The following DAB1 variants were observed in gnomAD, a reference collection of about 807,000 sequenced individuals.
The protein encoded by DAB1 is DAB adaptor protein 1, also known as disabled homolog 1.
A neutral mutation model predicts 64.6 loss-of-function variants in DAB1; 15 were observed. The ratio of observed to expected loss-of-function variants is 0.23; its 90% CI spans 0.16 to 0.36. The LOEUF (loss-of-function observed/expected upper bound fraction) is 0.36, where lower values mean the gene tolerates loss of function less well. Ranked by LOEUF, DAB1 falls within the 10% of genes least tolerant of loss-of-function variation. The pLI is 1.00. For missense variants in DAB1, 596 were observed against 706.7 expected (o/e 0.84, Z 1.78); for synonymous variants, 235 against 251.9 (o/e 0.93, Z 0.64).
chr1:58,474,517 T>TTA (rs1398630523), intron 3 of DAB1, among the ~76,000 whole-genome samples: 2 of 152,182 alleles, frequency 1.3e-5, no homozygotes, highest in Non-Finnish European at 2.9e-5. Context: ...TGGGTACCTG[T>TTA]TAGGGTCCAA....
chr1:57,478,900 C>A (rs531449237), intron 7 of DAB1, among the ~76,000 whole-genome samples: 2 of 151,814 alleles, frequency 1.3e-5, no homozygotes, highest in Admixed American at 6.6e-5. Flanking sequence ...GCGCCCGGCC[C>A]GGTTCCCATT....
chr1:58,019,364 C>T (rs930099129), intron 5 of DAB1, among the ~76,000 whole-genome samples: 2 of 152,072 alleles, frequency 1.3e-5, no homozygotes, highest in African/African-American at 4.8e-5. Flanking sequence ...ATTGTTCTTT[C>T]GTGTTTATAG....
intron 2 of DAB1, among the ~76,000 whole-genome samples, chr1:57,146,654 A>G (rs561450243): frequency 4.6e-5 from 7 of 152,278 alleles, no homozygotes; most frequent in Middle Eastern, 3.4e-3. Flanking sequence ...CACAACTTTC[A>G]TTTCATTCAT....
At chr1:57,201,127 C>T (rs1434769171) in intron 2 of DAB1, among the ~76,000 whole-genome samples, 1 of 152,162 alleles carries the variant, frequency 6.6e-6, no homozygotes, top group Non-Finnish European at 1.5e-5. Context: ...CTTCAGGAGC[C>T]ATTGCTGCTT....
chr1:57,574,991 T>C (rs774365151), intron 7 of DAB1, among the ~76,000 whole-genome samples: 5 of 152,230 alleles, frequency 3.3e-5, no homozygotes, highest in Non-Finnish European at 7.3e-5. Flanking sequence ...TGAAATGAAC[T>C]AATTAGAGGT....
At chr1:57,033,171 T>TACACAC (rs141683665) in intron 9 of DAB1, among the ~76,000 whole-genome samples, 1,523 of 149,454 alleles carry the variant, frequency 0.01, 12 homozygotes, top group Middle Eastern at 0.021. Context: ...CACTTTTGTT[T>TACACAC]ACACACACAC....
intron 7 of DAB1, among the ~76,000 whole-genome samples, chr1:57,573,197 C>G (rs895468601): frequency 2.0e-5 from 3 of 152,146 alleles, no homozygotes; most frequent in Non-Finnish European, 2.9e-5. Context: ...AAGGGATCCT[C>G]CCGCCTCAGC....
At chr1:57,958,128 G>A (rs996891007) in intron 5 of DAB1, among the ~76,000 whole-genome samples, 3 of 151,990 alleles carry the variant, frequency 2.0e-5, no homozygotes, top group African/African-American at 7.2e-5. Context: ...GAGATTACAG[G>A]TGTCTGCCAC....
At chr1:57,335,777 C>T (rs952946479) in intron 1 of DAB1, among the ~76,000 whole-genome samples, 1 of 151,698 alleles carries the variant, frequency 6.6e-6, no homozygotes, top group Non-Finnish European at 1.5e-5. Flanking sequence ...AGCATGGGCA[C>T]CATTTTAAAA....
At chr1:57,574,922 T>C (rs905211489) in intron 7 of DAB1, among the ~76,000 whole-genome samples, 2 of 152,180 alleles carry the variant, frequency 1.3e-5, no homozygotes, top group Admixed American at 6.5e-5. Flanking sequence ...TCTTTCTGAT[T>C]CAATCTCTAT....
intron 5 of DAB1, chr1:58,048,945 C>T (rs960105942): frequency 9.3e-6 from 8 of 859,332 alleles, no homozygotes; most frequent in Non-Finnish European, 1.6e-5. Flanking sequence ...TGATGTTCTT[C>T]AGTGTCTTCT....
chr1:57,682,123 G>A (rs536275190), intron 6 of DAB1, among the ~76,000 whole-genome samples: 20 of 152,110 alleles, frequency 1.3e-4, no homozygotes, highest in Non-Finnish European at 2.4e-4. Flanking sequence ...CCACAAAGGT[G>A]TAAACATGGA....
chr1:57,663,698 C>G (rs1646413928), intron 6 of DAB1, among the ~76,000 whole-genome samples: 1 of 151,968 alleles, frequency 6.6e-6, no homozygotes, highest in Non-Finnish European at 1.5e-5. Flanking sequence ...AGATATATCT[C>G]AGGCTTAATA....
chr1:58,247,515 G>A (rs1344814271), intron 4 of DAB1, among the ~76,000 whole-genome samples: 1 of 152,144 alleles, frequency 6.6e-6, no homozygotes, highest in Non-Finnish European at 1.5e-5. Context: ...CTCCAGTCAT[G>A]GATGAATGGA....
intron 3 of DAB1, among the ~76,000 whole-genome samples, chr1:58,448,908 T>A (rs1210037953): frequency 6.6e-6 from 1 of 152,022 alleles, no homozygotes; most frequent in East Asian, 1.9e-4. Flanking sequence ...AGTTCAAAGG[T>A]GGTCCATCCA....
At chr1:57,622,130 G>T (rs919550291) in intron 7 of DAB1, among the ~76,000 whole-genome samples, 1 of 152,180 alleles carries the variant, frequency 6.6e-6, no homozygotes, top group African/African-American at 2.4e-5. Flanking sequence ...TTTTCAATCA[G>T]TTTCAGAAAT....
At chr1:58,244,106 C>G (rs1193535172) in intron 4 of DAB1, among the ~76,000 whole-genome samples, 1 of 152,186 alleles carries the variant, frequency 6.6e-6, no homozygotes, top group Non-Finnish European at 1.5e-5. Flanking sequence ...TGCCATGTGA[C>G]TCTCAGCATT....
intron 3 of DAB1, among the ~76,000 whole-genome samples, chr1:58,384,681 G>A (rs1461661276): frequency 6.6e-6 from 1 of 152,188 alleles, no homozygotes; most frequent in African/African-American, 2.4e-5. Context: ...TCAAAAGTAG[G>A]GAAGCCAACA....
chr1:57,147,103 T>C (rs1015938093), intron 2 of DAB1, among the ~76,000 whole-genome samples: 2 of 151,120 alleles, frequency 1.3e-5, no homozygotes, highest in Admixed American at 1.3e-4. Context: ...CGATCACAGC[T>C]CACTGCAGCC....
Sources: gnomAD v4.1 joint callset for allele counts (sites outside exome capture counted in the v4.1 genomes callset) on GRCh38, gnomAD v4.1.1 for gene constraint, MANE v1.5 for transcripts, NCBI Gene and HGNC (gene_info 2026-07-23, HGNC 2026-07-21) for gene names.